The following C1orf52 variants were observed in gnomAD, a reference collection of about 807,000 sequenced individuals.
C1orf52 encodes UPF0690 protein C1orf52.
A neutral mutation model predicts 17.2 loss-of-function variants in C1orf52; 5 were observed. That is an observed-to-expected ratio of 0.29 (90% CI 0.15 to 0.61). The LOEUF (loss-of-function observed/expected upper bound fraction) is 0.61. Among genes scored for constraint, C1orf52 ranks in the 20% least tolerant of loss-of-function variants. The pLI is 0.85. For missense variants in C1orf52, 245 were observed against 234.1 expected, an observed-to-expected ratio of 1.05 and a Z score of -0.30; for synonymous variants, 110 against 88.0, an observed-to-expected ratio of 1.25 and a Z score of -1.40.
Position 85,252,682 on chromosome 1 carries a change from T to G in C1orf52, c.496A>C (p.Thr166Pro), listed in dbSNP as rs765908222. The G allele has an allele frequency of 5.0e-6, 8 of 1,612,716 alleles. No individual in the cohort carries two copies. The highest frequency in any genetic ancestry group is 6.8e-6 in the Non-Finnish European group (8 of 1,179,268). Reference protein sequence around the residue: ...LESDDEKDEHTSKKRKVEPGE... With the variant: ...LESDDEKDEHPSKKRKVEPGE... ...GGCTCTACTTTGCGCTTTTTAGAAG[T>G]ATGCTCATCTTTTTCATCATCTTTA... The change falls in exon 3 of 3, where the codon ACT (threonine) becomes CCT (proline). Residue 166 changes from threonine (T) to proline (P), a missense_variant. By Grantham distance (38) the Thr-to-Pro change is conservative (BLOSUM62 -1). Transcript: ENST00000471115.
In C1orf52 at chr1:85,257,501, G is replaced by T. The variant is rs753417177; in HGVS notation, c.475+1023C>A. 8 of 716,594 alleles carry T rather than the reference G, an allele frequency of 1.1e-5. No individual in the cohort carries two copies. In the African/African-American group the frequency reaches 1.4e-4, roughly 13 times the overall value. The allele number at this position is 716,594 out of a possible 1,614,324, so 44.4% of individuals were successfully genotyped here. A position where few individuals can be genotyped will look rare whatever the true frequency, so the allele number is the denominator to read the frequency against. Reference sequence around the variant, plus strand: ...AAAGGGGCCATTAAAAATGACTGTGGACAGGGAGAAAGGGCCTATTAATAC... The same window carrying T: ...AAAGGGGCCATTAAAAATGACTGTGTACAGGGAGAAAGGGCCTATTAATAC... On this transcript the variant is annotated intron_variant, in intron 2 of 2. Transcript: ENST00000471115.
intron 2 of C1orf52, among the ~76,000 whole-genome samples, chr1:85,253,290 AC>A (rs1659847663): frequency 6.6e-6 from 1 of 152,196 alleles, no homozygotes; most frequent in Non-Finnish European, 1.5e-5. Flanking sequence ...TTTTCTTTTT[AC>A]AAAAAATAGG....
Position 85,252,320 on chromosome 1 carries a change from G to T in C1orf52, c.*309C>A. ...TTAAAAATATATTCCTTTATAAAAG[G>T]TTTATAAGAACATTGGCATGTCAAC... On this transcript the variant is annotated 3_prime_UTR_variant, in exon 3 of 3. Coordinates refer to ENST00000471115, the MANE Select transcript of C1orf52 (RefSeq NM_198077.4). The T allele has an allele frequency of 3.1e-6, 1 of 319,532 alleles. No individual in the cohort carries two copies. Among genetic ancestry groups the T allele is most frequent in the Non-Finnish European group, 5.7e-6 (1 of 174,330 alleles). 19.8% of individuals were successfully genotyped at this position (319,532 alleles called of 1,614,324 possible).
rs983389732 is a variant in C1orf52, at chr1:85,250,422, CTT to C, written c.*2205_*2206del. Reference sequence around the variant, plus strand: ...CTAGGTTTCCACTAGCTCAACCAAACTTCACCTCAGTACCCACATGGACACTT... The same window carrying C: ...CTAGGTTTCCACTAGCTCAACCAAACCACCTCAGTACCCACATGGACACTT... On this transcript the variant is annotated 3_prime_UTR_variant, in exon 3 of 3. Transcript: ENST00000471115. 2.0e-5 allele frequency: 3 copies of C among 152,224 alleles called. No homozygotes were observed. Among genetic ancestry groups the C allele is most frequent in the Non-Finnish European group, 2.9e-5 (2 of 68,052 alleles). 9.4% of individuals were successfully genotyped at this position (152,224 alleles called of 1,614,324 possible). A position where few individuals can be genotyped will look rare whatever the true frequency, so the allele number is the denominator to read the frequency against.
rs1485532270 is a variant in C1orf52 at position 85,258,735 on chromosome 1, C to T, written c.277-13G>A. 1 of 1,593,064 alleles carries T rather than the reference C, an allele frequency of 6.3e-7. No homozygotes were observed. The highest frequency in any genetic ancestry group is 8.5e-7 in the Non-Finnish European group (1 of 1,173,422). ...ATTCCTTTGGAGGCTGTTAAGCAAG[C>T]ACATTAAGAAGCACTGTGACGAACC... On this transcript the variant is annotated splice_polypyrimidine_tract_variant and intron_variant, in intron 1 of 2. Transcript: ENST00000471115.
At chr1:85,254,613 T>C (rs1399582632) in intron 2 of C1orf52, among the ~76,000 whole-genome samples, 4 of 152,160 alleles carry the variant, frequency 2.6e-5, no homozygotes, top group Non-Finnish European at 4.4e-5. Flanking sequence ...GGATGGTCTC[T>C]ATCTCCTGAC....
chr1:85,252,883 A>T (rs1276327913), intron 2 of C1orf52, among the ~76,000 whole-genome samples, 181 bp from the exon 3 acceptor site: 2 of 152,190 alleles, frequency 1.3e-5, no homozygotes, highest in Non-Finnish European at 2.9e-5. Context: ...TGCAAGTGAA[A>T]GTGAGCAATT....
Position 85,258,552 on chromosome 1 carries a change from T to C in C1orf52, c.447A>G (p.Leu149=), listed in dbSNP as rs1310941426. The C allele has an allele frequency of 3.7e-6, 6 of 1,614,180 alleles. No individual in the cohort carries two copies. Among genetic ancestry groups the C allele is most frequent in the Non-Finnish European group, 4.2e-6 (5 of 1,180,016 alleles). ...APQNAKKARL[L]PEGEETLESD... ...ATTCCAACGTCTCCTCCCCTTCTGG[T>C]AGAAGCCTAGCTTTCTTAGCATTCT... The change falls in exon 2 of 3, where the codon CTA becomes CTG. Residue 149 remains leucine, a synonymous_variant. Transcript: ENST00000471115.
At chr1:85,256,492 T>C (rs908395280) in intron 2 of C1orf52, among the ~76,000 whole-genome samples, 2 of 152,242 alleles carry the variant, frequency 1.3e-5, no homozygotes, top group African/African-American at 4.8e-5. Flanking sequence ...TAAGCAAATA[T>C]ATTTTTACTA....
In C1orf52 at chr1:85,251,667, A is replaced by T. The variant is rs1659805789; in HGVS notation, c.*962T>A. 6.6e-6 allele frequency: 1 copy of T among 152,240 alleles called. No homozygotes were observed. Among genetic ancestry groups the T allele is most frequent in the African/African-American group, 2.4e-5 (1 of 41,468 alleles). 9.4% of individuals were successfully genotyped at this position (152,240 alleles called of 1,614,324 possible). A position where few individuals can be genotyped will look rare whatever the true frequency, so the allele number is the denominator to read the frequency against. On this transcript the variant is annotated 3_prime_UTR_variant, in exon 3 of 3. Transcript: ENST00000471115. The stretch of plus-strand genomic sequence containing the variant: ...ATATGTCCTGAATATTAAATATACT[A>T]AAACATTATTTATCTGAAATTCAAA...
intron 1 of C1orf52, 84 bp downstream of exon 1, chr1:85,259,273 TG>T (rs531484836): frequency 2.9e-5 from 41 of 1,410,530 alleles, no homozygotes; most frequent in Middle Eastern, 2.3e-4. Flanking sequence ...TGTGGGGGGA[TG>T]GACAGCAGGT....
chr1:85,258,393 TAAGTATCCA>T, intron 2 of C1orf52, 122 bp downstream of exon 2: 1 of 879,088 alleles, frequency 1.1e-6, no homozygotes, highest in Non-Finnish European at 1.8e-6. Flanking sequence ...AGCAGAGCAG[TAAGTATCCA>T]AAGACCATCA....
chr1:85,259,481 C>T lies in C1orf52; in HGVS notation c.153G>A (p.Lys51=). The part of the protein sequence containing the change: ...PAKSAGGCRN[K]AEKRLPGPDE... The stretch of plus-strand genomic sequence containing the variant: ...CAGGTCCCGGGAGCCGCTTCTCCGC[C>T]TTGTTCCTACAGCCGCCCGCCGACT... Residue 51 remains lysine (K), a synonymous_variant, in exon 1 of 3, where the codon AAG becomes AAA. Transcript: ENST00000471115. The T allele has an allele frequency of 2.5e-6, 4 of 1,613,982 alleles. No individual in the cohort carries two copies. The highest frequency in any genetic ancestry group is 3.4e-6 in the Non-Finnish European group (4 of 1,180,034).
Position 85,251,232 on chromosome 1 carries a change from G to A in C1orf52, c.*1397C>T, listed in dbSNP as rs1659794525. 6.6e-6 allele frequency: 1 copy of A among 151,916 alleles called. No individual in the cohort carries two copies. Among genetic ancestry groups the A allele is most frequent in the Non-Finnish European group, 1.5e-5 (1 of 67,968 alleles). 9.4% of individuals were successfully genotyped at this position (151,916 alleles called of 1,614,324 possible). On this transcript the variant is annotated 3_prime_UTR_variant, in exon 3 of 3. Transcript: ENST00000471115. ...TCTTTTTCTTTCTAAATTATTTTTT[G>A]TAAAGATGAGGTCTTATCATGTTGT...
rs1238380673 is a variant in C1orf52, at chr1:85,259,347, G to C, written c.276+11C>G. The C allele has an allele frequency of 1.2e-6, 2 of 1,605,438 alleles. No individual in the cohort carries two copies. The stretch of plus-strand genomic sequence containing the variant: ...GGGGCCGAGACCGAGAAACGGGGTC[G>C]GGGACCTCACCTCCTCAGGCGCCTT... On this transcript the variant is annotated intron_variant, in intron 1 of 2. Coordinates refer to ENST00000471115, the MANE Select transcript of C1orf52 (RefSeq NM_198077.4).
chr1:85,259,164 C>T, intron 1 of C1orf52, 194 bp downstream of exon 1: 3 of 1,113,368 alleles, frequency 2.7e-6, no homozygotes, highest in Non-Finnish European at 3.7e-6. Context: ...GGCGGGGCTG[C>T]GGGTCCGGTC....
chr1:85,255,336 G>A (rs1659909507), intron 2 of C1orf52, among the ~76,000 whole-genome samples: 1 of 152,098 alleles, frequency 6.6e-6, no homozygotes, highest in South Asian at 2.1e-4. Context: ...CGGATCACGA[G>A]GTCAGGAGAT....
chr1:85,252,424 C>A lies in C1orf52; in HGVS notation c.*205G>T. 2.0e-6 allele frequency: 1 copy of A among 487,904 alleles called. No individual in the cohort carries two copies. Among genetic ancestry groups the A allele is most frequent in the Non-Finnish European group, 3.6e-6 (1 of 278,382 alleles). 30.2% of individuals were successfully genotyped at this position (487,904 alleles called of 1,614,324 possible). A position where few individuals can be genotyped will look rare whatever the true frequency, so the allele number is the denominator to read the frequency against. ...CCAAGTGTTATCAATTTCACAATCA[C>A]AAGTCACCAGTTGAGTTTTAAATAC... On this transcript the variant is annotated 3_prime_UTR_variant, in exon 3 of 3. Coordinates refer to ENST00000471115, the MANE Select transcript of C1orf52 (RefSeq NM_198077.4).
rs1017020998 is a variant in C1orf52, at chr1:85,251,106, A to G, written c.*1523T>C. ...TAATGACTTTTATGAATTTTAATCT[A>G]CTTGATACACATGCCTAGGTAAACA... On this transcript the variant is annotated 3_prime_UTR_variant, in exon 3 of 3. Coordinates refer to ENST00000471115, the MANE Select transcript of C1orf52 (RefSeq NM_198077.4). 4 of 152,206 alleles carry G rather than the reference A, an allele frequency of 2.6e-5. No individual in the cohort carries two copies. The highest frequency in any genetic ancestry group is 4.8e-5 in the African/African-American group (2 of 41,458). The allele number at this position is 152,206 out of a possible 1,614,324, so 9.4% of individuals were successfully genotyped here.
Sources: allele counts gnomAD v4.1 joint callset (sites outside exome capture counted in the v4.1 genomes callset), GRCh38; gene constraint gnomAD v4.1.1; transcripts MANE v1.5; gene names NCBI Gene and HGNC (gene_info 2026-07-23, HGNC 2026-07-21).